NCKAP5: variants seen among roughly 807,000 people sequenced by gnomAD.
The protein encoded by NCKAP5 is NCK associated protein 5, also known as nck-associated protein 5.
In NCKAP5, 92 loss-of-function variants were observed where a neutral mutation model predicts 167.0. That is an observed-to-expected ratio of 0.55 (90% CI 0.47 to 0.66). The LOEUF is 0.66. NCKAP5 is among the 30% of genes least tolerant of loss of function. The pLI, the probability that NCKAP5 is intolerant of heterozygous loss-of-function variation, is 0.00. For missense variants in NCKAP5, 2,378 were observed against 2,315.0 expected, an observed-to-expected ratio of 1.03 and a Z score of -0.56; for synonymous variants, 891 against 877.4, an observed-to-expected ratio of 1.02 and a Z score of -0.27.
the NCKAP5 span, among the ~76,000 whole-genome samples, chr2:133,579,871 C>A: frequency 6.6e-6 from 1 of 152,150 alleles, no homozygotes; most frequent in Non-Finnish European, 1.5e-5. Context: ...ACATATGTAC[C>A]TTTCTCTCCC....
At chr2:133,166,328 T>A (rs562385821) in intron 5 of NCKAP5, among the ~76,000 whole-genome samples, 1 of 152,374 alleles carries the variant, frequency 6.6e-6, no homozygotes, top group African/African-American at 2.4e-5. Context: ...ATAATTTACA[T>A]ACAATTTTAT....
At chr2:133,252,160 C>T (rs1176420363) in intron 4 of NCKAP5, among the ~76,000 whole-genome samples, 1 of 152,124 alleles carries the variant, frequency 6.6e-6, no homozygotes, top group Non-Finnish European at 1.5e-5. Flanking sequence ...CATTTTCATC[C>T]CCACATCTCC....
intron 6 of NCKAP5, among the ~76,000 whole-genome samples, chr2:133,115,815 A>ATATATATATG (rs2082060953): frequency 1.2e-5 from 1 of 83,736 alleles, no homozygotes. Flanking sequence ...ATATATATAT[A>ATATATATATG]TAGTGTTCAC....
intron 16 of NCKAP5, among the ~76,000 whole-genome samples, chr2:132,764,917 A>G (rs116534105): frequency 0.01 from 1,562 of 152,308 alleles, 19 homozygotes; most frequent in African/African-American, 0.034. Flanking sequence ...AATTTTCTTC[A>G]AATCTTCTTG....
At chr2:133,177,349 A>T (rs1540444) in intron 5 of NCKAP5, among the ~76,000 whole-genome samples, 51,245 of 151,756 alleles carry the variant, frequency 0.34, 9,569 homozygotes, top group East Asian at 0.74. Context: ...GAGAGATTTA[A>T]TCACATTCCC....
At position 133,130,698 on chromosome 2, in the gene NCKAP5, G is replaced by A. The variant is rs547690830; in HGVS notation, c.208-587C>T. Among the ~76,000 whole-genome samples the A allele has an allele frequency of 1.8e-3, 280 of 152,308 alleles. 1 individual carries two copies. Among genetic ancestry groups the A allele is most frequent in the African/African-American group, 6.2e-3 (256 of 41,562 alleles). On this transcript the variant is annotated intron_variant, in intron 5 of 19. Transcript: ENST00000409261. ...GATAACTAGCTCATCTCACGAACGG[G>A]TATCAGGGACTGAAAGAGGAACTGG...
chr2:133,564,663 G>C (rs1216167481), intron 1 of NCKAP5, among the ~76,000 whole-genome samples: 2 of 152,200 alleles, frequency 1.3e-5, no homozygotes, highest in African/African-American at 4.8e-5. Flanking sequence ...AACGTTGTCA[G>C]ATGAAGCCAA....
At chr2:132,907,600 A>T (rs1694099084) in intron 8 of NCKAP5, among the ~76,000 whole-genome samples, 1 of 131,162 alleles carries the variant, frequency 7.6e-6, no homozygotes, top group Admixed American at 8.5e-5. Context: ...CAAGGCTCTT[A>T]CCACTCAAAG....
At chr2:133,244,250 C>A (rs1230379952) in intron 4 of NCKAP5, among the ~76,000 whole-genome samples, 1 of 152,176 alleles carries the variant, frequency 6.6e-6, no homozygotes, top group Admixed American at 6.6e-5. Flanking sequence ...CTTAGTTCAT[C>A]ATCTTTATTG....
At chr2:133,329,458 C>T (rs1470798901) in intron 3 of NCKAP5, among the ~76,000 whole-genome samples, 1 of 152,068 alleles carries the variant, frequency 6.6e-6, no homozygotes, top group Non-Finnish European at 1.5e-5. Context: ...CTACCAAGGA[C>T]ACCACTGGTC....
upstream of NCKAP5, among the ~76,000 whole-genome samples, chr2:133,569,493 A>G (rs1044695693): frequency 3.3e-5 from 5 of 152,176 alleles, no homozygotes; most frequent in Admixed American, 2.0e-4. Context: ...ACTCAGTTTG[A>G]AAGGTCTTTG....
At chr2:133,197,979 C>A (rs1003403640) in intron 5 of NCKAP5, among the ~76,000 whole-genome samples, 1 of 151,570 alleles carries the variant, frequency 6.6e-6, no homozygotes, top group Non-Finnish European at 1.5e-5. Context: ...CTTGAAAAAG[C>A]GGAAAGATAG....
At chr2:132,977,493 T>C (rs1281049722) in intron 7 of NCKAP5, among the ~76,000 whole-genome samples, 1 of 152,094 alleles carries the variant, frequency 6.6e-6, no homozygotes, top group African/African-American at 2.4e-5. Context: ...AAGCCATAAA[T>C]AGTTGTCTTC....
chr2:132,851,519 G>C (rs371643813), intron 11 of NCKAP5, among the ~76,000 whole-genome samples: 158 of 152,274 alleles, frequency 1.0e-3, no homozygotes, highest in African/African-American at 3.8e-3. Context: ...GGTTAACCCC[G>C]CTTGCCTCTA....
intron 19 of NCKAP5, among the ~76,000 whole-genome samples, chr2:132,700,994 G>T (rs1687832578): frequency 6.6e-6 from 1 of 151,724 alleles, no homozygotes; most frequent in African/African-American, 2.4e-5. Flanking sequence ...GATTTAATCG[G>T]TCTAGAATTT....
intron 13 of NCKAP5, among the ~76,000 whole-genome samples, chr2:132,787,768 T>C (rs1683709154): frequency 6.6e-6 from 1 of 152,176 alleles, no homozygotes; most frequent in Admixed American, 6.5e-5. Context: ...CTGGGTATTA[T>C]AGCTCCACCA....
intron 18 of NCKAP5, among the ~76,000 whole-genome samples, chr2:132,728,043 G>A (rs1690636655): frequency 6.6e-6 from 1 of 152,208 alleles, no homozygotes; most frequent in Admixed American, 6.5e-5. Flanking sequence ...AAGGGCCAAG[G>A]AGGGGCCAGG....
At chr2:133,001,072 T>C (rs2077760727) in intron 6 of NCKAP5, among the ~76,000 whole-genome samples, 1 of 152,122 alleles carries the variant, frequency 6.6e-6, no homozygotes, top group South Asian at 2.1e-4. Context: ...GTTATATGCA[T>C]TTGTTGGAAT....
chr2:133,671,255 G>A, the NCKAP5 span, among the ~76,000 whole-genome samples: 1 of 150,356 alleles, frequency 6.7e-6, no homozygotes, highest in Non-Finnish European at 1.5e-5. Flanking sequence ...AAACAAAGAT[G>A]CTTGTTTTGG....
Sources: gnomAD v4.1 joint callset for allele counts (sites outside exome capture counted in the v4.1 genomes callset) on GRCh38, gnomAD v4.1.1 for gene constraint, MANE v1.5 for transcripts, NCBI Gene and HGNC (gene_info 2026-07-23, HGNC 2026-07-21) for gene names.